AGBL4: variants seen among roughly 807,000 people sequenced by gnomAD.
AGBL4 encodes cytosolic carboxypeptidase 6.
A neutral mutation model predicts 66.4 loss-of-function variants in AGBL4; 58 were observed. That is an observed-to-expected ratio of 0.87 (90% CI 0.71 to 1.09). AGBL4 has a LOEUF of 1.09. Among genes scored for constraint, AGBL4 ranks in the 50% least tolerant of loss-of-function variants. The pLI is 0.00. For missense variants in AGBL4, 579 were observed against 631.0 expected (o/e 0.92, Z 0.88); for synonymous variants, 234 against 222.9 (o/e 1.05, Z -0.44).
Position 48,881,098 on chromosome 1 carries a change from T to A in AGBL4, c.595-13868A>T, listed in dbSNP as rs540765122. ...GTAACATAGGTAAGATGAATACCCA[T>A]GAGTGAAATTCCTGGGTCTAAAAGT... On this transcript the variant is annotated intron_variant, in intron 5 of 13. Transcript: ENST00000371839. 2.0e-4 allele frequency among the ~76,000 whole-genome samples: 30 copies of A among 152,306 alleles called. No individual in the cohort carries two copies. The South Asian group carries it at 5.4e-3, about 27-fold the overall frequency.
intron 5 of AGBL4, among the ~76,000 whole-genome samples, chr1:49,012,913 T>C (rs990504543): frequency 1.3e-5 from 2 of 152,232 alleles, no homozygotes; most frequent in Admixed American, 6.5e-5. Flanking sequence ...TAATAGATTA[T>C]TAATAAGTCA....
intron 7 of AGBL4, among the ~76,000 whole-genome samples, chr1:48,660,410 G>A (rs1475724345): frequency 6.6e-6 from 1 of 152,196 alleles, no homozygotes; most frequent in Non-Finnish European, 1.5e-5. Flanking sequence ...CAGAACTGAA[G>A]GTATGTCAGC....
chr1:48,759,240 G>A, intron 6 of AGBL4: 2 of 1,590,744 alleles, frequency 1.3e-6, no homozygotes, highest in Non-Finnish European at 1.7e-6. Flanking sequence ...CCACTGCCTC[G>A]ATGCTCTTGT....
At chr1:48,754,510 T>C (rs1043703959) in intron 6 of AGBL4, among the ~76,000 whole-genome samples, 5 of 152,154 alleles carry the variant, frequency 3.3e-5, no homozygotes, top group Admixed American at 1.3e-4. Context: ...ACCTTGTACA[T>C]TGGAATGTCA....
chr1:49,036,175 A>G (rs1664636269), intron 5 of AGBL4, among the ~76,000 whole-genome samples: 1 of 152,108 alleles, frequency 6.6e-6, no homozygotes, highest in African/African-American at 2.4e-5. Context: ...GAGGTTTATT[A>G]AAAAGAGAAT....
chr1:49,312,028 A>T (rs536841873), intron 3 of AGBL4, among the ~76,000 whole-genome samples: 102 of 152,236 alleles, frequency 6.7e-4, no homozygotes, highest in Non-Finnish European at 1.1e-3. Context: ...AAACTTTTGA[A>T]CATCAACAAT....
intron 6 of AGBL4, among the ~76,000 whole-genome samples, chr1:48,835,580 T>C (rs1646653161): frequency 6.6e-6 from 1 of 152,134 alleles, no homozygotes; most frequent in Admixed American, 6.6e-5. Context: ...TAGGTAGTAC[T>C]AGAGTGAAGA....
chr1:49,755,861 GCAAACTTAACTATGT>G (rs1651847208), intron 2 of AGBL4, among the ~76,000 whole-genome samples: 1 of 152,112 alleles, frequency 6.6e-6, no homozygotes, highest in Non-Finnish European at 1.5e-5. Context: ...TTTCTAAAAT[GCAAACTTAACTATGT>G]CACTCACCTC....
intron 1 of AGBL4, among the ~76,000 whole-genome samples, chr1:49,943,284 G>T (rs1287315957): frequency 1.3e-5 from 2 of 152,150 alleles, no homozygotes; most frequent in African/African-American, 4.8e-5. Context: ...GGAGGCAGGA[G>T]TAGATTGCAG....
At chr1:48,754,973 C>CTA (rs1005414548) in intron 6 of AGBL4, among the ~76,000 whole-genome samples, 3 of 152,154 alleles carry the variant, frequency 2.0e-5, no homozygotes, top group African/African-American at 7.2e-5. Flanking sequence ...CGGTGACAGT[C>CTA]TATAGCCTAA....
intron 6 of AGBL4, among the ~76,000 whole-genome samples, chr1:48,737,328 C>T (rs886144580): frequency 6.6e-6 from 1 of 152,072 alleles, no homozygotes; most frequent in African/African-American, 2.4e-5. Flanking sequence ...ATCATCAGTT[C>T]GTGGGCCCCA....
chr1:48,998,053 G>T (rs1661146125), intron 5 of AGBL4, among the ~76,000 whole-genome samples: 2 of 152,186 alleles, frequency 1.3e-5, no homozygotes, highest in African/African-American at 4.8e-5. Flanking sequence ...GTCAGAGAAA[G>T]ATTGAATCCA....
At chr1:49,180,203 A>G (rs1646906576) in intron 4 of AGBL4, among the ~76,000 whole-genome samples, 1 of 152,182 alleles carries the variant, frequency 6.6e-6, no homozygotes, top group Admixed American at 6.5e-5. Flanking sequence ...CAGCTACTTA[A>G]CATCTTTAAA....
chr1:48,983,963 C>A (rs1468343562), intron 5 of AGBL4, among the ~76,000 whole-genome samples: 2 of 152,098 alleles, frequency 1.3e-5, no homozygotes, highest in African/African-American at 4.8e-5. Flanking sequence ...ACAGGGAACA[C>A]AGCAAGGAAG....
chr1:49,358,351 C>G (rs1644063016), intron 3 of AGBL4, among the ~76,000 whole-genome samples: 1 of 152,052 alleles, frequency 6.6e-6, no homozygotes, highest in South Asian at 2.1e-4. Context: ...ATGAAACACT[C>G]CTGCTTATGG....
At chr1:48,994,944 C>A (rs571663953) in intron 5 of AGBL4, among the ~76,000 whole-genome samples, 1 of 152,100 alleles carries the variant, frequency 6.6e-6, no homozygotes, top group Non-Finnish European at 1.5e-5. Flanking sequence ...AGAGGATTAT[C>A]TTGATAAAAG....
At position 50,004,663 on chromosome 1, in the gene AGBL4, C is replaced by T. The variant is rs117156679; in HGVS notation, c.34+19100G>A. On this transcript the variant is annotated intron_variant, in intron 1 of 13. Transcript: ENST00000371839. Reference sequence around the variant, plus strand: ...CCCAAATGACATTTCTAGATGTACCCTGGGCAAGAAGGGAACCTGCAGCCC... The same window carrying T: ...CCCAAATGACATTTCTAGATGTACCTTGGGCAAGAAGGGAACCTGCAGCCC... 1.9e-3 allele frequency among the ~76,000 whole-genome samples: 286 copies of T among 152,276 alleles called. 3 individuals carry two copies. The East Asian group carries it at 0.031, about 16-fold the overall frequency.
At chr1:49,028,434 G>A (rs1332907064) in intron 5 of AGBL4, among the ~76,000 whole-genome samples, 1 of 152,170 alleles carries the variant, frequency 6.6e-6, no homozygotes, top group Non-Finnish European at 1.5e-5. Context: ...TATGCCCAAG[G>A]CAGTTAATGA....
At chr1:48,989,498 C>G (rs1660440061) in intron 5 of AGBL4, among the ~76,000 whole-genome samples, 1 of 152,028 alleles carries the variant, frequency 6.6e-6, no homozygotes, top group Non-Finnish European at 1.5e-5. Context: ...TACTCATTAA[C>G]CATCCCCACT....
Sources: gnomAD v4.1 joint callset for allele counts (sites outside exome capture counted in the v4.1 genomes callset) on GRCh38, gnomAD v4.1.1 for gene constraint, MANE v1.5 for transcripts, NCBI Gene and HGNC (gene_info 2026-07-23, HGNC 2026-07-21) for gene names.